PTCH1: variants seen among roughly 807,000 people sequenced by gnomAD.
PTCH1 encodes the protein patched 1, also known as protein patched homolog 1.
Under a neutral mutation model 144.6 loss-of-function variants are expected in PTCH1, and 14 were observed. The ratio of observed to expected loss-of-function variants is 0.10; its 90% CI spans 0.06 to 0.15. PTCH1 has a LOEUF of 0.15. Ranked by LOEUF, PTCH1 falls within the 10% of genes least tolerant of loss-of-function variation. The probability of loss-of-function intolerance (pLI) is 1.00; values close to 1 mark genes in which losing one functional copy is unlikely to be tolerated. For synonymous variants in PTCH1, 833 were observed against 793.6 expected (o/e 1.05, Z -0.83); for missense variants, 1,623 against 1,948.3 (o/e 0.83, Z 3.14).
rs779000277 is a variant in PTCH1, at chr9:95,469,941, GA to G, written c.1729-11del. Reference sequence around the variant, plus strand: ...CCACTACTACCGCTGCCTGGGAGCAGAAAAAAAATTCAGAGGTCACCAACAT... The same window carrying G: ...CCACTACTACCGCTGCCTGGGAGCAGAAAAAAATTCAGAGGTCACCAACAT... On this transcript the variant is annotated splice_polypyrimidine_tract_variant and intron_variant, in intron 12 of 23. Transcript: ENST00000331920. 2,421 of 1,606,256 alleles carry G rather than the reference GA, an allele frequency of 1.5e-3. 3 individuals are homozygous for G. Among genetic ancestry groups the G allele is most frequent in the Non-Finnish European group, 1.9e-3 (2,220 of 1,173,098 alleles).
At chr9:95,451,265 T>C (rs1757613125) in intron 20 of PTCH1, 1 of 152,192 alleles carries the variant, frequency 6.6e-6, no homozygotes, top group South Asian at 2.1e-4. Flanking sequence ...CATTAAGACA[T>C]TTGCATCCCA....
At position 95,476,945 on chromosome 9, in the gene PTCH1, C is replaced by A. The variant is rs937445863; in HGVS notation, c.1504-88G>T. On this transcript the variant is annotated intron_variant, in intron 10 of 23. Coordinates refer to ENST00000331920, the MANE Select transcript of PTCH1 (RefSeq NM_000264.5). The surrounding 1 kb of genome is among the most constrained non-coding windows in gnomAD (Gnocchi z 4.6). ...GCTAGTTAGGACTCTGCCACCAGCA[C>A]CTAACAGCTCCTGAAGCAGGGCTTC... 4.2e-6 allele frequency: 5 copies of A among 1,203,518 alleles called. No homozygotes were observed. The highest frequency in any genetic ancestry group is 4.8e-6 in the Non-Finnish European group (4 of 826,340). 74.6% of individuals were successfully genotyped at this position (1,203,518 alleles called of 1,614,324 possible).
Position 95,459,773 on chromosome 9 carries a change from T to C in PTCH1, c.2714A>G (p.Gln905Arg). The change falls in exon 17 of 24, where the codon CAG (glutamine) becomes CGG (arginine). Residue 905 changes from glutamine (Q) to arginine (R), a missense_variant. By Grantham distance (43) the Gln-to-Arg change is conservative. Coordinates refer to ENST00000331920, the MANE Select transcript of PTCH1 (RefSeq NM_000264.5). ...KPIDISQLTK[Q>R]RLVDADGIIN... The stretch of plus-strand genomic sequence containing the variant: ...GATGCCATCTGCATCCACCAGACGC[T>C]GTTTAGTCAACTACAAAAACGGGAA... The C allele has an allele frequency of 1.2e-6, 2 of 1,614,210 alleles. No homozygotes were observed. The highest frequency in any genetic ancestry group is 1.3e-5 in the African/African-American group (1 of 75,062).
At chr9:95,478,240 C>T (rs1174252601) in intron 8 of PTCH1, 54 bp from the exon 9 acceptor site, 11 of 1,612,328 alleles carry the variant, frequency 6.8e-6, no homozygotes, top group Admixed American at 6.7e-5. Context: ...CTTCCACAAG[C>T]CTCGACAGCA....
intron 19 of PTCH1, among the ~76,000 whole-genome samples, chr9:95,454,063 A>C (rs1193170066): frequency 2.0e-5 from 3 of 152,214 alleles, no homozygotes; most frequent in Non-Finnish European, 2.9e-5. Context: ...GATTATGCAG[A>C]GGTGAGACCT....
At chr9:95,502,592 C>T (rs145944062) in intron 2 of PTCH1, among the ~76,000 whole-genome samples, 77 of 152,330 alleles carry the variant, frequency 5.1e-4, no homozygotes, top group African/African-American at 1.8e-3. Flanking sequence ...GATTAGCAAA[C>T]ACTATAACCC....
At chr9:95,451,058 AG>A (rs1260505934) in intron 20 of PTCH1, 3 of 152,256 alleles carry the variant, frequency 2.0e-5, no homozygotes, top group Admixed American at 2.0e-4. Flanking sequence ...AAAATGGAAC[AG>A]GCAACCAGTG....
At chr9:95,489,431 C>A (rs1842216691) in intron 2 of PTCH1, among the ~76,000 whole-genome samples, 2 of 152,136 alleles carry the variant, frequency 1.3e-5, no homozygotes, top group African/African-American at 4.8e-5. Context: ...TCACCGCAGC[C>A]TCAACCTCCT....
intron 18 of PTCH1, among the ~76,000 whole-genome samples, chr9:95,457,600 TCTC>T (rs1388381662): frequency 6.6e-6 from 1 of 152,152 alleles, no homozygotes; most frequent in Non-Finnish European, 1.5e-5. Flanking sequence ...CATATATCAC[TCTC>T]CTAACTTCTC....
In PTCH1 at chr9:95,482,122, A is replaced by C. The variant is rs1841588620; in HGVS notation, c.654+12T>G. On this transcript the variant is annotated intron_variant, in intron 4 of 23. Transcript: ENST00000331920. ...TTCCTGAGAAATTTTTGCCAACAAG[A>C]AGAAAATATACCTGATCCATGTAAC... 19 of 1,613,882 alleles carry C rather than the reference A, an allele frequency of 1.2e-5. No individual in the cohort carries two copies. Among genetic ancestry groups the C allele is most frequent in the Non-Finnish European group, 1.5e-5 (18 of 1,179,856 alleles).
rs2136689480 is a variant in PTCH1, at chr9:95,461,976, A to G, written c.2583T>C (p.Ser861=). 1 of 1,614,202 alleles carries G rather than the reference A, an allele frequency of 6.2e-7. No individual in the cohort carries two copies. Among genetic ancestry groups the G allele is most frequent in the Non-Finnish European group, 8.5e-7 (1 of 1,180,030 alleles). The change falls in exon 16 of 24, where the codon AGT becomes AGC. Residue 861 remains serine (S), a synonymous_variant. Transcript: ENST00000331920. ...WLQGLQDAFD[S]DWETGKIMPN... ...GCATGATTTTCCCGGTTTCCCAGTC[A>G]CTGTCAAATGCATCCTGAAGTCCTA...
intron 2 of PTCH1, among the ~76,000 whole-genome samples, chr9:95,502,174 C>T (rs1408988338): frequency 6.6e-6 from 1 of 152,190 alleles, no homozygotes; most frequent in Admixed American, 6.5e-5. Context: ...TGCCCCCTAC[C>T]CTCTCCCCTC....
At chr9:95,446,506 G>C in intron 23 of PTCH1, 115 bp from the exon 24 acceptor site, 1 of 475,496 alleles carries the variant, frequency 2.1e-6, no homozygotes, top group South Asian at 1.6e-5. Flanking sequence ...CGAGAGTGGG[G>C]TGTGGGCCTG....
At chr9:95,475,507 T>C (rs1840949364) in intron 12 of PTCH1, among the ~76,000 whole-genome samples, 1 of 152,096 alleles carries the variant, frequency 6.6e-6, no homozygotes. Flanking sequence ...TGCAGGAAAT[T>C]CTCCACAGAG....
intron 20 of PTCH1, 87 bp from the exon 21 acceptor site, chr9:95,450,027 C>A (rs147252508): frequency 1.6e-6 from 2 of 1,222,730 alleles, no homozygotes; most frequent in East Asian, 4.9e-5. Context: ...AGCATGGCAA[C>A]GCCAGAAATG....
At position 95,476,914 on chromosome 9, in the gene PTCH1, T is replaced by C; in HGVS notation, c.1504-57A>G. ...ACATGCGAGATGCAATTCAGATGATTCTAAAGCTAGTTAGGACTCTGCCAC... is the reference window on the plus strand; with the variant it reads ...ACATGCGAGATGCAATTCAGATGATCCTAAAGCTAGTTAGGACTCTGCCAC... On this transcript the variant is annotated intron_variant, in intron 10 of 23. Transcript: ENST00000331920. This position sits in a 1 kb window ranked among gnomAD's most constrained non-coding sequence, Gnocchi z 4.6. The C allele has an allele frequency of 1.3e-6, 2 of 1,525,228 alleles. No individual in the cohort carries two copies. The highest frequency in any genetic ancestry group is 1.8e-6 in the Non-Finnish European group (2 of 1,108,180). 94.5% of individuals were successfully genotyped at this position (1,525,228 alleles called of 1,614,324 possible). A position where few individuals can be genotyped will look rare whatever the true frequency, so the allele number is the denominator to read the frequency against.
At chr9:95,454,038 C>T (rs1053750558) in intron 19 of PTCH1, among the ~76,000 whole-genome samples, 9 of 152,186 alleles carry the variant, frequency 5.9e-5, no homozygotes, top group African/African-American at 2.2e-4. Context: ...TTGGGTGCTA[C>T]ACACACTTCC....
In PTCH1 at chr9:95,468,980, A is replaced by G. The variant is rs1192777342; in HGVS notation, c.2021T>C (p.Val674Ala). 1 of 1,613,952 alleles carries G rather than the reference A, an allele frequency of 6.2e-7. No individual in the cohort carries two copies. The highest frequency in any genetic ancestry group is 8.5e-7 in the Non-Finnish European group (1 of 1,180,000). The change falls in exon 14 of 24, where the codon GTG (valine) becomes GCG (alanine). Residue 674 changes from valine to alanine, a missense_variant. Physicochemically the swap from Val to Ala is moderately conservative, Grantham distance 64. Coordinates refer to ENST00000331920, the MANE Select transcript of PTCH1 (RefSeq NM_000264.5). ...GCGCGGCTCAGCGGTGGTGTAGTAC[A>G]CGTGCGTGTGGGGGTCGTACTCCGT... Reference protein sequence around the residue: ...LRTEYDPHTHVYYTTAEPRSE... With the variant: ...LRTEYDPHTHAYYTTAEPRSE...
Position 95,508,554 on chromosome 9 carries a change from GCCGCTGCGGCCGCGGCC to G in PTCH1, c.-210_-194del. 2.0e-6 allele frequency: 2 copies of G among 1,005,620 alleles called. No individual in the cohort carries two copies. The highest frequency in any genetic ancestry group is 2.4e-6 in the Non-Finnish European group (2 of 843,304). 62.3% of individuals were successfully genotyped at this position (1,005,620 alleles called of 1,614,324 possible). A position where few individuals can be genotyped will look rare whatever the true frequency, so the allele number is the denominator to read the frequency against. Reference sequence around the variant, plus strand: ...TGCTGCTCACACGGCGGGCGCTGCTGCCGCTGCGGCCGCGGCCGCTGCCGGGGAGTCAGACCCTGCGC... The same window carrying G: ...TGCTGCTCACACGGCGGGCGCTGCTGGCTGCCGGGGAGTCAGACCCTGCGC... On this transcript the variant is annotated 5_prime_UTR_variant, in exon 1 of 24. An upstream open reading frame in the 5' UTR loses its in-frame stop. Coordinates refer to ENST00000331920, the MANE Select transcript of PTCH1 (RefSeq NM_000264.5).
Sources: gnomAD v4.1 joint callset for allele counts (sites outside exome capture counted in the v4.1 genomes callset) on GRCh38, gnomAD v4.1.1 for gene constraint, Gnocchi (gnomAD v3.1) non-coding constraint, MANE v1.5 for transcripts, NCBI Gene and HGNC (gene_info 2026-07-23, HGNC 2026-07-21) for gene names.